Variants in TMIGD1 observed in about 807,000 individuals in gnomAD.
The protein encoded by TMIGD1 is transmembrane and immunoglobulin domain-containing protein 1.
TMIGD1 carries 29 observed loss-of-function variants against 27.5 expected under a neutral mutation model. The ratio of observed to expected loss-of-function variants is 1.05; its 90% CI spans 0.78 to 1.44. The LOEUF is 1.44. Ranked by LOEUF, TMIGD1 falls within the 40% of genes most tolerant of loss-of-function variation. The pLI is 0.00. For missense variants in TMIGD1, 334 were observed against 310.6 expected (o/e 1.08, Z -0.57); for synonymous variants, 109 against 110.3 (o/e 0.99, Z 0.07).
intron 3 of TMIGD1, among the ~76,000 whole-genome samples, 188 bp downstream of exon 3, chr17:30,329,063 G>A (rs1034623935): frequency 1.6e-4 from 25 of 151,990 alleles, no homozygotes; most frequent in Non-Finnish European, 5.9e-5. Context: ...TTTCAAAGGA[G>A]GCTGGCAAAT....
chr17:30,325,565 A>G (rs552865507), intron 3 of TMIGD1, among the ~76,000 whole-genome samples: 2,116 of 63,518 alleles, frequency 0.033, 46 homozygotes, highest in African/African-American at 0.086. Context: ...TTTCTCATGT[A>G]AAAAAAAAAT....
intron 3 of TMIGD1, among the ~76,000 whole-genome samples, chr17:30,327,790 G>T (rs1462056707): frequency 6.6e-6 from 1 of 151,430 alleles, no homozygotes; most frequent in East Asian, 1.9e-4. Context: ...TGTTTGTAGA[G>T]ATAGGGTCTT....
At chr17:30,325,233 G>T (rs1909740275) in intron 3 of TMIGD1, 139 bp from the exon 4 acceptor site, 1 of 842,912 alleles carries the variant, frequency 1.2e-6, no homozygotes, top group Non-Finnish European at 1.8e-6. Context: ...GGTGTGACAA[G>T]CACTGGGGTA....
chr17:30,325,923 C>CA (rs11427756), intron 3 of TMIGD1, among the ~76,000 whole-genome samples: 54,616 of 151,732 alleles, frequency 0.36, 10,452 homozygotes, highest in Admixed American at 0.43. Context: ...CATAGACAGT[C>CA]AACACATCTA....
chr17:30,322,909 G>T (rs1046136470), intron 4 of TMIGD1, among the ~76,000 whole-genome samples: 1 of 152,198 alleles, frequency 6.6e-6, no homozygotes, highest in African/African-American at 2.4e-5. Flanking sequence ...GGTGGTTCAT[G>T]CCTGTAACCC....
chr17:30,329,476 G>A lies in TMIGD1; in HGVS notation c.136C>T (p.Pro46Ser). The A allele has an allele frequency of 1.2e-6, 2 of 1,614,146 alleles. No individual in the cohort carries two copies. The highest frequency in any genetic ancestry group is 1.7e-6 in the Non-Finnish European group (2 of 1,180,006). ...CATATCAGAGATGCTTGGGAGCCAGGTGTAGTATCCAGGATATAGTTCTCA... is the reference window on the plus strand; with the variant it reads ...CATATCAGAGATGCTTGGGAGCCAGATGTAGTATCCAGGATATAGTTCTCA... The part of the protein sequence containing the change: ...KTENYILDTT[P>S]GSQASLICAV... The change falls in exon 3 of 7, where the codon CCT (proline) becomes TCT (serine). Residue 46 changes from proline (P) to serine (S), a missense_variant. By Grantham distance (74) the Pro-to-Ser change is moderately conservative (BLOSUM62 -1). Transcript: ENST00000328886.
At chr17:30,324,134 G>A (rs1335049970) in intron 4 of TMIGD1, among the ~76,000 whole-genome samples, 2 of 152,188 alleles carry the variant, frequency 1.3e-5, no homozygotes, top group African/African-American at 2.4e-5. Flanking sequence ...TCAGCTTGTT[G>A]GGCTGCTCCT....
intron 4 of TMIGD1, among the ~76,000 whole-genome samples, chr17:30,319,261 A>AATATATATATATATATATATAT (rs1175035556): frequency 3.5e-4 from 24 of 68,934 alleles, no homozygotes; most frequent in African/African-American, 1.5e-3. Flanking sequence ...AAAAAAAAAA[A>AATATATATATATATATATATAT]ATATATATAT....
At chr17:30,329,125 C>T in intron 3 of TMIGD1, 126 bp downstream of exon 3, 2 of 1,112,244 alleles carry the variant, frequency 1.8e-6, no homozygotes, top group African/African-American at 1.6e-5. Context: ...GAAATAGGTA[C>T]TCTCATACTT....
At chr17:30,316,955 A>G (rs913889389) in intron 6 of TMIGD1, 3 of 626,948 alleles carry the variant, frequency 4.8e-6, no homozygotes, top group Middle Eastern at 2.5e-4. Flanking sequence ...TTGCACAAAC[A>G]TTGGGCAAAC....
intron 4 of TMIGD1, among the ~76,000 whole-genome samples, chr17:30,319,882 T>G (rs1487404961): frequency 6.6e-6 from 1 of 152,072 alleles, no homozygotes; most frequent in Non-Finnish European, 1.5e-5. Context: ...AGCATGAGCC[T>G]TCCCAACCTT....
chr17:30,327,594 C>T (rs1909829626), intron 3 of TMIGD1, among the ~76,000 whole-genome samples: 2 of 151,006 alleles, frequency 1.3e-5, no homozygotes, highest in African/African-American at 4.9e-5. Flanking sequence ...GGGTCTCACT[C>T]TGTTGCCCAG....
At chr17:30,333,537 T>C (rs1306428836) in intron 1 of TMIGD1, among the ~76,000 whole-genome samples, 1 of 152,146 alleles carries the variant, frequency 6.6e-6, no homozygotes, top group Non-Finnish European at 1.5e-5. Flanking sequence ...AACACCAGTA[T>C]TAATTTACAA....
At chr17:30,317,690 G>A (rs1909461395) in intron 5 of TMIGD1, among the ~76,000 whole-genome samples, 1 of 151,818 alleles carries the variant, frequency 6.6e-6, no homozygotes, top group African/African-American at 2.4e-5. Flanking sequence ...AACCTGGGAG[G>A]TGGAGCTTGC....
In TMIGD1 at chr17:30,329,305, A is replaced by G. The variant is rs149599290; in HGVS notation, c.307T>C (p.Cys103Arg). 138 of 1,614,052 alleles carry G rather than the reference A, an allele frequency of 8.5e-5. 1 individual carries two copies. In the Middle Eastern group the frequency reaches 1.8e-3, roughly 21 times the overall value. ...ACGGACTGATCCCTCCCCAGCCTGC[A>G]GGTAAAGCTGATTCCGTTGTCATTT... ...SENDNGISFT[C>R]RLGRDQSVSV... The change falls in exon 3 of 7, where the codon TGC (cysteine) becomes CGC (arginine). Residue 103 changes from cysteine (C) to arginine (R), a missense_variant. Cys to Arg is a radical substitution (Grantham distance 180, BLOSUM62 -3). Transcript: ENST00000328886.
chr17:30,323,542 C>G (rs1289307601), intron 4 of TMIGD1, among the ~76,000 whole-genome samples: 1 of 152,154 alleles, frequency 6.6e-6, no homozygotes, highest in Non-Finnish European at 1.5e-5. Context: ...AAGAGCCCCA[C>G]CCAAAACAAG....
intron 2 of TMIGD1, among the ~76,000 whole-genome samples, chr17:30,330,574 G>T (rs1327198238): frequency 6.6e-6 from 1 of 152,158 alleles, no homozygotes. Flanking sequence ...TGGACAAATT[G>T]GGTCTTGCAT....
At chr17:30,318,223 C>G (rs1243438190) in intron 5 of TMIGD1, among the ~76,000 whole-genome samples, 1 of 152,178 alleles carries the variant, frequency 6.6e-6, no homozygotes, top group African/African-American at 2.4e-5. Context: ...GAGAATGCCC[C>G]TTGCTGAATG....
At chr17:30,330,365 A>G (rs1232414005) in intron 2 of TMIGD1, among the ~76,000 whole-genome samples, 1 of 152,174 alleles carries the variant, frequency 6.6e-6, no homozygotes, top group Non-Finnish European at 1.5e-5. Context: ...TACACATACC[A>G]TATTTAATTT....
Sources: gnomAD v4.1 joint callset for allele counts (sites outside exome capture counted in the v4.1 genomes callset) on GRCh38, gnomAD v4.1.1 for gene constraint, MANE v1.5 for transcripts, NCBI Gene and HGNC (gene_info 2026-07-23, HGNC 2026-07-21) for gene names.